MGAT4A: variants seen among roughly 807,000 people sequenced by gnomAD.
The protein encoded by MGAT4A is alpha-1,3-mannosyl-glycoprotein 4-beta-N-acetylglucosaminyltransferase A.
A neutral mutation model predicts 74.1 loss-of-function variants in MGAT4A; 33 were observed. That is an observed-to-expected ratio of 0.45 (90% CI 0.34 to 0.60). The LOEUF is 0.60. Ranked by LOEUF, MGAT4A falls within the 20% of genes least tolerant of loss-of-function variation. The probability of loss-of-function intolerance (pLI) is 0.02; values close to 1 mark genes in which losing one functional copy is unlikely to be tolerated. For synonymous variants in MGAT4A, 198 were observed against 210.4 expected (o/e 0.94, Z 0.51); for missense variants, 479 against 628.3 (o/e 0.76, Z 2.54).
chr2:98,649,498 G>A (rs1012109869), intron 8 of MGAT4A, among the ~76,000 whole-genome samples: 1 of 152,156 alleles, frequency 6.6e-6, no homozygotes, highest in Admixed American at 6.5e-5. Context: ...CAGCCAGAGG[G>A]AATGATTTCT....
At chr2:98,656,740 G>T (rs1347872738) in intron 6 of MGAT4A, among the ~76,000 whole-genome samples, 4 of 151,112 alleles carry the variant, frequency 2.6e-5, no homozygotes, top group Admixed American at 6.6e-5. Context: ...TAAGCCAACT[G>T]CAGGCATTAA....
At chr2:98,656,773 TA>T (rs935281002) in intron 6 of MGAT4A, among the ~76,000 whole-genome samples, 254 of 144,068 alleles carry the variant, frequency 1.8e-3, no homozygotes, top group African/African-American at 3.3e-3. Flanking sequence ...GTATCTGAAT[TA>T]AAAAAAAAAA....
intron 2 of MGAT4A, among the ~76,000 whole-genome samples, chr2:98,699,484 C>A (rs1702321440): frequency 6.6e-6 from 1 of 152,078 alleles, no homozygotes; most frequent in South Asian, 2.1e-4. Flanking sequence ...CTTTTCTGCA[C>A]AGCAGGAATC....
chr2:98,701,434 T>C (rs755734209), intron 2 of MGAT4A, among the ~76,000 whole-genome samples: 4 of 152,232 alleles, frequency 2.6e-5, no homozygotes, highest in Non-Finnish European at 5.9e-5. Context: ...AATCAGTTAA[T>C]GTTCTGTAAT....
At position 98,708,412 on chromosome 2, in the gene MGAT4A, C is replaced by T. The variant is rs76883431; in HGVS notation, c.94+17827G>A. On this transcript the variant is annotated intron_variant, in intron 2 of 15. Coordinates refer to ENST00000393487, the MANE Select transcript of MGAT4A (RefSeq NM_012214.3). ...AGCCATGAGATTTATAAGTACCCTCCTCTGCATCAAAACAATAAACCTGAA... is the reference window on the plus strand; with the variant it reads ...AGCCATGAGATTTATAAGTACCCTCTTCTGCATCAAAACAATAAACCTGAA... 8.8e-3 allele frequency among the ~76,000 whole-genome samples: 1,342 copies of T among 152,256 alleles called. 17 individuals are homozygous for T. The highest frequency in any genetic ancestry group is 0.031 in the African/African-American group (1,285 of 41,540).
In MGAT4A at chr2:98,622,950, C is replaced by G; in HGVS notation, c.*2616G>C. ...AGGAGGATTGCTTGAGGCCAGAGAT[C>G]GAGGCTGCAGTGAGCTATGAGAGCA... On this transcript the variant is annotated 3_prime_UTR_variant, in exon 16 of 16. Coordinates refer to ENST00000393487, the MANE Select transcript of MGAT4A (RefSeq NM_012214.3). 4 of 982,662 alleles carry G rather than the reference C, an allele frequency of 4.1e-6. No homozygotes were observed. The highest frequency in any genetic ancestry group is 4.8e-6 in the Non-Finnish European group (4 of 827,484). The allele number at this position is 982,662 out of a possible 1,614,324, so 60.9% of individuals were successfully genotyped here. A position where few individuals can be genotyped will look rare whatever the true frequency, so the allele number is the denominator to read the frequency against.
intron 4 of MGAT4A, among the ~76,000 whole-genome samples, chr2:98,669,757 C>T (rs192710229): frequency 2.0e-5 from 3 of 152,204 alleles, no homozygotes; most frequent in Admixed American, 2.0e-4. Flanking sequence ...GTGGGGGCTG[C>T]CCTTCTTAGT....
intron 4 of MGAT4A, among the ~76,000 whole-genome samples, chr2:98,666,139 T>C (rs1253926596): frequency 6.6e-6 from 1 of 152,130 alleles, no homozygotes; most frequent in Non-Finnish European, 1.5e-5. Context: ...AGATGGTGGT[T>C]TGAATGAGGC....
intron 2 of MGAT4A, among the ~76,000 whole-genome samples, chr2:98,717,942 C>T (rs952292127): frequency 6.6e-6 from 1 of 152,192 alleles, no homozygotes; most frequent in African/African-American, 2.4e-5. Flanking sequence ...TTCCTTATAT[C>T]GTATTTGAAA....
chr2:98,668,259 C>T (rs1701865000), intron 4 of MGAT4A, among the ~76,000 whole-genome samples: 1 of 152,180 alleles, frequency 6.6e-6, no homozygotes, highest in African/African-American at 2.4e-5. Context: ...AAATGGTTTC[C>T]TGGGCTGGGC....
chr2:98,621,763 C>G lies in MGAT4A; in HGVS notation c.*3803G>C, dbSNP rs1349054942. The stretch of plus-strand genomic sequence containing the variant: ...CCAGTCTTTTCTTTGAGGGACAGCA[C>G]TGTTGGGAGACAACCTCTTTTTCAT... On this transcript the variant is annotated 3_prime_UTR_variant, in exon 16 of 16. Transcript: ENST00000393487. The G allele has an allele frequency of 8.5e-7, 1 of 1,178,762 alleles. No homozygotes were observed. Among genetic ancestry groups the G allele is most frequent in the Admixed American group, 4.5e-5 (1 of 22,240 alleles). 73.0% of individuals were successfully genotyped at this position (1,178,762 alleles called of 1,614,324 possible).
chr2:98,667,554 A>C (rs573932723), intron 4 of MGAT4A, among the ~76,000 whole-genome samples: 1 of 152,342 alleles, frequency 6.6e-6, no homozygotes, highest in African/African-American at 2.4e-5. Flanking sequence ...TTTAGCAAAG[A>C]GACTGGCAGC....
intron 2 of MGAT4A, among the ~76,000 whole-genome samples, chr2:98,704,103 C>G (rs1702388661): frequency 1.3e-5 from 2 of 152,132 alleles, no homozygotes; most frequent in South Asian, 4.1e-4. Flanking sequence ...TCTTGTTTAC[C>G]ATGAAATCGC....
At chr2:98,648,386 C>T (rs1197458268) in intron 8 of MGAT4A, among the ~76,000 whole-genome samples, 6 of 151,942 alleles carry the variant, frequency 3.9e-5, no homozygotes, top group African/African-American at 1.5e-4. Flanking sequence ...TGTAATCCCA[C>T]CTACTTGGGA....
intron 3 of MGAT4A, 60 bp from the exon 4 acceptor site, chr2:98,675,235 T>C (rs530242278): frequency 1.3e-5 from 16 of 1,266,080 alleles, no homozygotes; most frequent in African/African-American, 1.5e-5. Context: ...GCTGATTTTA[T>C]AAAACCAGCA....
chr2:98,730,769 G>A (rs1351072111), intron 1 of MGAT4A, among the ~76,000 whole-genome samples: 3 of 148,900 alleles, frequency 2.0e-5, no homozygotes, highest in Non-Finnish European at 3.0e-5. Flanking sequence ...GCGGGGCAGG[G>A]ACGCTGGGAG....
Position 98,622,369 on chromosome 2 carries a change from T to C in MGAT4A, c.*3197A>G. ...GTACTTGGAATGTCACTAGTGTGTG[T>C]GATGGCAGAACCGGGTAAAAAAATG... On this transcript the variant is annotated 3_prime_UTR_variant, in exon 16 of 16. Coordinates refer to ENST00000393487, the MANE Select transcript of MGAT4A (RefSeq NM_012214.3). 3 of 985,460 alleles carry C rather than the reference T, an allele frequency of 3.0e-6. No homozygotes were observed. The highest frequency in any genetic ancestry group is 3.6e-6 in the Non-Finnish European group (3 of 829,940). 61.0% of individuals were successfully genotyped at this position (985,460 alleles called of 1,614,324 possible).
chr2:98,704,425 A>G (rs1246354708), intron 2 of MGAT4A, among the ~76,000 whole-genome samples: 11 of 151,770 alleles, frequency 7.2e-5, no homozygotes, highest in Non-Finnish European at 1.3e-4. Context: ...GCAACATAGC[A>G]TGGCCCCATC....
At chr2:98,638,068 G>A (rs774467599) in intron 12 of MGAT4A, among the ~76,000 whole-genome samples, 1 of 152,130 alleles carries the variant, frequency 6.6e-6, no homozygotes, top group Non-Finnish European at 1.5e-5. Flanking sequence ...CTACAGCTGC[G>A]TGTGAATCTA....
Sources: allele counts gnomAD v4.1 joint callset (sites outside exome capture counted in the v4.1 genomes callset), GRCh38; gene constraint gnomAD v4.1.1; transcripts MANE v1.5; gene names NCBI Gene and HGNC (gene_info 2026-07-23, HGNC 2026-07-21).